Variants in SEC22A observed in about 807,000 individuals in gnomAD.
SEC22A encodes the protein vesicle-trafficking protein SEC22a.
Under a neutral mutation model 35.3 loss-of-function variants are expected in SEC22A, and 22 were observed. That is an observed-to-expected ratio of 0.62 (90% CI 0.45 to 0.89). SEC22A has a LOEUF of 0.89. SEC22A is among the 40% of genes least tolerant of loss of function. SEC22A has a pLI of 0.00. For missense variants in SEC22A, 354 were observed against 362.5 expected, an observed-to-expected ratio of 0.98 and a Z score of 0.19; for synonymous variants, 119 against 129.5, an observed-to-expected ratio of 0.92 and a Z score of 0.55.
chr3:123,251,588 G>C (rs1180436213), intron 5 of SEC22A, among the ~76,000 whole-genome samples: 1 of 145,516 alleles, frequency 6.9e-6, no homozygotes, highest in Non-Finnish European at 1.5e-5. Context: ...TCCTGAGAGA[G>C]TGATTCTAAG....
At chr3:123,226,517 CT>C (rs1324359969) in intron 4 of SEC22A, among the ~76,000 whole-genome samples, 1 of 152,134 alleles carries the variant, frequency 6.6e-6, no homozygotes, top group Admixed American at 6.5e-5. Context: ...CTATTCAGAT[CT>C]TTTGCCCATT....
chr3:123,241,408 T>C (rs1937520040), intron 4 of SEC22A, among the ~76,000 whole-genome samples: 1 of 152,178 alleles, frequency 6.6e-6, no homozygotes, highest in Admixed American at 6.5e-5. Flanking sequence ...AATTTCTCTC[T>C]TATCTTCCAC....
chr3:123,226,557 A>G (rs899927196), intron 4 of SEC22A, among the ~76,000 whole-genome samples: 1 of 152,136 alleles, frequency 6.6e-6, no homozygotes, highest in African/African-American at 2.4e-5. Context: ...ATTTTTTCAT[A>G]TAGAGTTGTT....
At chr3:123,234,050 A>T (rs957100385) in intron 4 of SEC22A, among the ~76,000 whole-genome samples, 1 of 152,254 alleles carries the variant, frequency 6.6e-6, no homozygotes, top group Non-Finnish European at 1.5e-5. Context: ...TATTCTATAC[A>T]CTAACAATGA....
chr3:123,233,445 G>T (rs1477121308), intron 4 of SEC22A, among the ~76,000 whole-genome samples: 1 of 152,154 alleles, frequency 6.6e-6, no homozygotes, highest in Non-Finnish European at 1.5e-5. Flanking sequence ...TGTTCAGAAT[G>T]TATCCCCATT....
chr3:123,248,797 C>T (rs932724348), intron 5 of SEC22A, among the ~76,000 whole-genome samples: 2 of 152,218 alleles, frequency 1.3e-5, no homozygotes, highest in African/African-American at 4.8e-5. Context: ...TCTGTACTCT[C>T]ACGATTCTCA....
At chr3:123,254,158 T>C (rs185710224) in intron 5 of SEC22A, among the ~76,000 whole-genome samples, 5 of 152,292 alleles carry the variant, frequency 3.3e-5, no homozygotes, top group Admixed American at 3.3e-4. Flanking sequence ...GTGTGGCTAT[T>C]ATATGAGGCT....
Position 123,225,243 on chromosome 3 carries a change from G to A in SEC22A, c.487G>A (p.Gly163Arg). Residue 163 changes from glycine (G) to arginine (R), a missense_variant, in exon 4 of 7, where the codon GGA becomes AGA. Physicochemically the swap from Gly to Arg is moderately radical, Grantham distance 125. Coordinates refer to ENST00000492595, the MANE Select transcript of SEC22A (RefSeq NM_012430.5). ...CATGTGCGAACTGGGGTCAGCCAAT[G>A]GAGTCACATCAGCATTTTCTGTTGA... The part of the protein sequence containing the change: ...ISMCELGSAN[G>R]VTSAFSVDCK... 6.2e-7 allele frequency: 1 copy of A among 1,613,766 alleles called. No individual in the cohort carries two copies. Among genetic ancestry groups the A allele is most frequent in the Non-Finnish European group, 8.5e-7 (1 of 1,179,730 alleles).
chr3:123,230,138 C>T (rs1576491554), intron 4 of SEC22A, among the ~76,000 whole-genome samples: 2 of 151,968 alleles, frequency 1.3e-5, no homozygotes, highest in East Asian at 1.9e-4. Context: ...GACTCTGACT[C>T]GTAAAAATAC....
In SEC22A at chr3:123,223,610, C is replaced by T. The variant is rs763954994; in HGVS notation, c.234C>T (p.Tyr78=). The part of the protein sequence containing the change: ...VSYMMLCTEN[Y]PNVLAFSFLD... ...ACATGATGTTGTGCACTGAAAATTA[C>T]CCAAATGTTCTCGCCTTCTCTTTCC... The change falls in exon 3 of 7, where the codon TAC becomes TAT. Residue 78 remains tyrosine (Y), a synonymous_variant. Transcript: ENST00000492595. 3.1e-6 allele frequency: 5 copies of T among 1,613,502 alleles called. No individual in the cohort carries two copies. The Admixed American group carries it at 5.0e-5, about 16-fold the overall frequency.
chr3:123,231,488 A>G (rs982074565), intron 4 of SEC22A, among the ~76,000 whole-genome samples: 2 of 152,234 alleles, frequency 1.3e-5, no homozygotes, highest in African/African-American at 2.4e-5. Context: ...TTCTCCAGCT[A>G]CATTAGATGA....
intron 4 of SEC22A, among the ~76,000 whole-genome samples, chr3:123,231,089 T>A (rs958452985): frequency 6.6e-6 from 1 of 152,104 alleles, no homozygotes; most frequent in African/African-American, 2.4e-5. Context: ...TTTATAATGA[T>A]AAAAGGGTGA....
chr3:123,245,349 A>G (rs1937557672), intron 4 of SEC22A, among the ~76,000 whole-genome samples: 1 of 152,198 alleles, frequency 6.6e-6, no homozygotes, highest in Non-Finnish European at 1.5e-5. Context: ...GCCGGTTGTG[A>G]GCATCCCTTA....
rs1378088034 is a variant in SEC22A, at chr3:123,273,401, AG to A, written c.*1680del. 1.3e-5 allele frequency: 2 copies of A among 152,242 alleles called. No homozygotes were observed. The highest frequency in any genetic ancestry group is 1.9e-4 in the East Asian group (1 of 5,198). The allele number at this position is 152,242 out of a possible 1,614,324, so 9.4% of individuals were successfully genotyped here. A position where few individuals can be genotyped will look rare whatever the true frequency, so the allele number is the denominator to read the frequency against. On this transcript the variant is annotated 3_prime_UTR_variant, in exon 7 of 7. Coordinates refer to ENST00000492595, the MANE Select transcript of SEC22A (RefSeq NM_012430.5). ...GGCTCCAGTCTTCTCCTCTAACAAA[AG>A]TATGCATATTCTGAGAGATACCCCA...
chr3:123,252,619 T>C (rs550116230), intron 5 of SEC22A, among the ~76,000 whole-genome samples: 94 of 152,362 alleles, frequency 6.2e-4, no homozygotes, highest in African/African-American at 2.1e-3. Context: ...ACACTCTTTC[T>C]GAATGCTGAA....
chr3:123,247,094 T>C (rs1937573463), intron 5 of SEC22A, among the ~76,000 whole-genome samples: 1 of 152,218 alleles, frequency 6.6e-6, no homozygotes, highest in South Asian at 2.1e-4. Context: ...CCTTTCTGTT[T>C]CCTGTCCCCA....
At chr3:123,264,211 C>T (rs1937968706) in intron 6 of SEC22A, among the ~76,000 whole-genome samples, 2 of 152,152 alleles carry the variant, frequency 1.3e-5, no homozygotes, top group Non-Finnish European at 2.9e-5. Context: ...CATCCAGCTT[C>T]ATTTACTTAT....
chr3:123,264,269 T>C (rs1559764931), intron 6 of SEC22A, among the ~76,000 whole-genome samples: 1 of 152,256 alleles, frequency 6.6e-6, no homozygotes, highest in Non-Finnish European at 1.5e-5. Flanking sequence ...ATAAAGCTGC[T>C]ATAAACAATT....
chr3:123,209,354 A>G lies in SEC22A; in HGVS notation c.137A>G (p.Gln46Arg), dbSNP rs1275663644. 3.1e-6 allele frequency: 5 copies of G among 1,613,956 alleles called. No homozygotes were observed. In the African/African-American group the frequency reaches 4.0e-5, roughly 13 times the overall value. The change falls in exon 2 of 7, where the codon CAA becomes CGA. Residue 46 changes from glutamine (Q) to arginine (R), a missense_variant. Physicochemically the swap from Gln to Arg is conservative, Grantham distance 43. Coordinates refer to ENST00000492595, the MANE Select transcript of SEC22A (RefSeq NM_012430.5). ...AAAATGCTTTCGAGGAAACTTGCTC[A>G]ACTTCCTGATAGATGTACACTGAAA... ...YFKMLSRKLA[Q>R]LPDRCTLKTG...
Sources: gnomAD v4.1 joint callset for allele counts (sites outside exome capture counted in the v4.1 genomes callset) on GRCh38, gnomAD v4.1.1 for gene constraint, MANE v1.5 for transcripts, NCBI Gene and HGNC (gene_info 2026-07-23, HGNC 2026-07-21) for gene names.